The following HSPH1 variants were observed in gnomAD, a reference collection of about 807,000 sequenced individuals.
HSPH1 encodes the protein heat shock protein family H (Hsp110) member 1.
HSPH1 carries 40 observed loss-of-function variants against 100.0 expected under a neutral mutation model. That is an observed-to-expected ratio of 0.40 (90% CI 0.31 to 0.52). The LOEUF (loss-of-function observed/expected upper bound fraction) is 0.52, where lower values mean the gene tolerates loss of function less well. HSPH1 is among the 20% of genes least tolerant of loss of function. HSPH1 has a pLI of 0.54. For synonymous variants in HSPH1, 403 were observed against 344.0 expected (o/e 1.17, Z -1.90); for missense variants, 876 against 1,015.1 (o/e 0.86, Z 1.86).
intron 16 of HSPH1, 84 bp downstream of exon 16, chr13:31,138,697 C>A: frequency 1.9e-6 from 3 of 1,539,892 alleles, no homozygotes; most frequent in South Asian, 1.2e-5. Flanking sequence ...AAAGTTAAGA[C>A]TATTCATGAT....
intron 1 of HSPH1, 42 bp from the exon 2 acceptor site, chr13:31,158,905 T>G: frequency 8.0e-7 from 1 of 1,246,024 alleles, no homozygotes; most frequent in African/African-American, 1.5e-5. Flanking sequence ...AGCATAAAGG[T>G]TGATATTTTA....
Position 31,161,732 on chromosome 13 carries a change from G to C in HSPH1, c.-150C>G. On this transcript the variant is annotated 5_prime_UTR_variant, in exon 1 of 18. Coordinates refer to ENST00000320027, the MANE Select transcript of HSPH1 (RefSeq NM_006644.4). ...CCTCTGACACTCAGAAGGACACACA[G>C]ACAGCCGCGGCCTGTCAGGAGCCTC... 7 of 1,533,452 alleles carry C rather than the reference G, an allele frequency of 4.6e-6. No homozygotes were observed. The highest frequency in any genetic ancestry group is 6.1e-6 in the Non-Finnish European group (7 of 1,145,562). 95.0% of individuals were successfully genotyped at this position (1,533,452 alleles called of 1,614,324 possible).
At chr13:31,151,812 T>C in intron 5 of HSPH1, 70 bp from the exon 6 acceptor site, 2 of 1,352,016 alleles carry the variant, frequency 1.5e-6, no homozygotes, top group Non-Finnish European at 1.0e-6. Flanking sequence ...TACATAAAAT[T>C]ACACATGCAG....
Position 31,151,805 on chromosome 13 carries a change from A to C in HSPH1, c.530-63T>G, listed in dbSNP as rs544609542. The C allele has an allele frequency of 2.2e-5, 31 of 1,417,902 alleles. No homozygotes were observed. The South Asian group carries it at 3.3e-4, about 15-fold the overall frequency. The allele number at this position is 1,417,902 out of a possible 1,614,324, so 87.8% of individuals were successfully genotyped here. Reference sequence around the variant, plus strand: ...ATTTTCTTAGGAATCTCACTGTTACATAAAATTACACATGCAGGAAGCTTG... The same window carrying C: ...ATTTTCTTAGGAATCTCACTGTTACCTAAAATTACACATGCAGGAAGCTTG... On this transcript the variant is annotated intron_variant, in intron 5 of 17. Coordinates refer to ENST00000320027, the MANE Select transcript of HSPH1 (RefSeq NM_006644.4).
intron 17 of HSPH1, among the ~76,000 whole-genome samples, chr13:31,137,813 G>C (rs1414819315): frequency 6.6e-6 from 1 of 152,112 alleles, no homozygotes; most frequent in Non-Finnish European, 1.5e-5. Context: ...GAAGACAATG[G>C]TTCAAAGAGG....
rs528089344 is a variant in HSPH1 at position 31,161,682 on chromosome 13, C to T, written c.-100G>A. The T allele has an allele frequency of 1.7e-4, 258 of 1,554,056 alleles. No individual in the cohort carries two copies. Among genetic ancestry groups the T allele is most frequent in the Non-Finnish European group, 2.0e-4 (234 of 1,156,492 alleles). ...CGCTTTCTGCCCTGGCCGCGTTCTG[C>T]TCCGGCCCGCGGGGTCTGGCCGTTC... On this transcript the variant is annotated 5_prime_UTR_variant, in exon 1 of 18. Transcript: ENST00000320027.
At position 31,148,482 on chromosome 13, in the gene HSPH1, TTA is replaced by T; in HGVS notation, c.1138-4_1138-3del. 2 of 1,177,720 alleles carry T rather than the reference TTA, an allele frequency of 1.7e-6. No homozygotes were observed. Among genetic ancestry groups the T allele is most frequent in the Non-Finnish European group, 2.2e-6 (2 of 891,910 alleles). 73.0% of individuals were successfully genotyped at this position (1,177,720 alleles called of 1,614,324 possible). A position where few individuals can be genotyped will look rare whatever the true frequency, so the allele number is the denominator to read the frequency against. On this transcript the variant is annotated splice_polypyrimidine_tract_variant and splice_region_variant and intron_variant, in intron 8 of 17. Transcript: ENST00000320027. ...AAATGCCGGGGAAAGTATTGCACACTTAAAAAAAAAAAAAAAAATCATGAGCA... is the reference window on the plus strand; with the variant it reads ...AAATGCCGGGGAAAGTATTGCACACTAAAAAAAAAAAAAAAATCATGAGCA...
chr13:31,159,108 C>G (rs572086854), intron 1 of HSPH1, among the ~76,000 whole-genome samples: 46 of 139,324 alleles, frequency 3.3e-4, no homozygotes, highest in Admixed American at 6.0e-4. Context: ...CAGGAATTCT[C>G]CAGGTTCCAG....
intron 3 of HSPH1, 102 bp downstream of exon 3, chr13:31,155,412 A>G (rs1448490158): frequency 7.1e-5 from 61 of 859,646 alleles, no homozygotes; most frequent in Non-Finnish European, 1.0e-4. Context: ...GAACAAAAAG[A>G]CCACCTGGTG....
At position 31,151,752 on chromosome 13, in the gene HSPH1, A is replaced by AT. The variant is rs1442168084; in HGVS notation, c.530-11dup. 1 of 1,597,568 alleles carries AT rather than the reference A, an allele frequency of 6.3e-7. No individual in the cohort carries two copies. The highest frequency in any genetic ancestry group is 8.5e-7 in the Non-Finnish European group (1 of 1,174,056). ...CCGTAATTCAAAGCAACTACAAAAA[A>AT]TAAGTATGTTTCAATTCTTTGGTTC... On this transcript the variant is annotated splice_polypyrimidine_tract_variant and intron_variant, in intron 5 of 17. Transcript: ENST00000320027.
intron 11 of HSPH1, 129 bp from the exon 12 acceptor site, chr13:31,144,052 G>T: frequency 1.4e-6 from 1 of 728,388 alleles, no homozygotes; most frequent in Non-Finnish European, 2.0e-6. Flanking sequence ...AAAAGGTACT[G>T]GATAAAAACA....
At chr13:31,151,977 C>T (rs1327045812) in intron 5 of HSPH1, 9 of 447,694 alleles carry the variant, frequency 2.0e-5, no homozygotes, top group Non-Finnish European at 2.8e-5. Flanking sequence ...ATGTGCTAGA[C>T]AAAACATATG....
At chr13:31,146,495 C>T (rs1956269903) in intron 10 of HSPH1, among the ~76,000 whole-genome samples, 1 of 152,158 alleles carries the variant, frequency 6.6e-6, no homozygotes. Context: ...AAGATGATAG[C>T]AAGCACATGC....
intron 2 of HSPH1, among the ~76,000 whole-genome samples, chr13:31,156,119 G>C (rs959517688): frequency 6.6e-6 from 1 of 152,182 alleles, no homozygotes; most frequent in Non-Finnish European, 1.5e-5. Context: ...GGCCAGGCGC[G>C]GTGGCTCACG....
At chr13:31,162,220 G>C, upstream of HSPH1, 5 of 873,150 alleles carry the variant, frequency 5.7e-6, 1 homozygote, top group South Asian at 7.7e-5. Flanking sequence ...ACTCGGAATA[G>C]TCACAATTTA....
upstream of HSPH1, chr13:31,162,321 G>C: frequency 1.7e-6 from 1 of 586,246 alleles, no homozygotes; most frequent in Non-Finnish European, 3.0e-6. Flanking sequence ...CAGACACCGG[G>C]ATGGTGGGGA....
At chr13:31,146,475 A>C (rs1956269099) in intron 10 of HSPH1, among the ~76,000 whole-genome samples, 1 of 152,170 alleles carries the variant, frequency 6.6e-6, no homozygotes, top group Non-Finnish European at 1.5e-5. Context: ...ATTTGTTTGC[A>C]AGCATAAGGA....
chr13:31,151,944 C>T, intron 5 of HSPH1: 1 of 535,128 alleles, frequency 1.9e-6, no homozygotes, highest in Non-Finnish European at 3.3e-6. Flanking sequence ...GAACAATGCT[C>T]TATCACTTTT....
chr13:31,147,865 T>TAG (rs1215421391), intron 10 of HSPH1, 94 bp downstream of exon 10: 2 of 1,050,472 alleles, frequency 1.9e-6, no homozygotes, highest in East Asian at 5.3e-5. Context: ...CCCCTCAACA[T>TAG]TACTAAGAAT....
Sources: allele counts gnomAD v4.1 joint callset (sites outside exome capture counted in the v4.1 genomes callset), GRCh38; gene constraint gnomAD v4.1.1; transcripts MANE v1.5; gene names NCBI Gene and HGNC (gene_info 2026-07-23, HGNC 2026-07-21).